Variants in PDE4D observed in about 807,000 individuals in gnomAD.
PDE4D encodes 3',5'-cyclic-AMP phosphodiesterase 4D.
A neutral mutation model predicts 87.4 loss-of-function variants in PDE4D; 24 were observed. The ratio of observed to expected loss-of-function variants is 0.27; its 90% CI spans 0.20 to 0.39. PDE4D has a LOEUF of 0.39. Ranked by LOEUF, PDE4D falls within the 10% of genes least tolerant of loss-of-function variation. The pLI, the probability that PDE4D is intolerant of heterozygous loss-of-function variation, is 1.00. For missense variants in PDE4D, 714 were observed against 1,041.0 expected (o/e 0.69, Z 4.32); for synonymous variants, 384 against 383.2 (o/e 1.00, Z -0.02).
chr5:59,489,011 G>A (rs1230317982), intron 1 of PDE4D, among the ~76,000 whole-genome samples: 1 of 152,008 alleles, frequency 6.6e-6, no homozygotes, highest in African/African-American at 2.4e-5. Flanking sequence ...TGTTGGCCAG[G>A]CGTGACGGCT....
intron 1 of PDE4D, among the ~76,000 whole-genome samples, chr5:59,272,496 A>G (rs1351610308): frequency 6.6e-6 from 1 of 152,100 alleles, no homozygotes; most frequent in Non-Finnish European, 1.5e-5. Flanking sequence ...AGCATAAGAA[A>G]ATATATAAAG....
At chr5:59,697,877 T>C (rs1422904365) in intron 1 of PDE4D, among the ~76,000 whole-genome samples, 1 of 152,200 alleles carries the variant, frequency 6.6e-6, no homozygotes, top group Non-Finnish European at 1.5e-5. Context: ...ATCTAGCCCT[T>C]GGTCCTACTT....
At chr5:60,422,821 A>T (rs997416398) in intron 1 of PDE4D, among the ~76,000 whole-genome samples, 3 of 152,218 alleles carry the variant, frequency 2.0e-5, no homozygotes, top group Admixed American at 1.3e-4. Context: ...AGAGAAACAT[A>T]TAGGTTCAAA....
chr5:60,183,754 T>C (rs752990945), intron 2 of PDE4D, among the ~76,000 whole-genome samples: 9 of 152,182 alleles, frequency 5.9e-5, no homozygotes, highest in Non-Finnish European at 1.2e-4. Context: ...AAAATCTACC[T>C]CTAAGTATAC....
chr5:59,618,898 T>C lies in PDE4D; in HGVS notation c.455+274270A>G, dbSNP rs183761866. On this transcript the variant is annotated intron_variant, in intron 1 of 14. Coordinates refer to ENST00000340635, the MANE Select transcript of PDE4D (RefSeq NM_001104631.2). ...TGCCCTCTCACTTTCCGCCATATGA[T>C]GTCACAACAAGAAAGCCCTCGCAAG... Among the ~76,000 whole-genome samples the C allele has an allele frequency of 1.3e-4, 20 of 152,264 alleles. No individual in the cohort carries two copies. The East Asian group carries it at 3.5e-3, about 27-fold the overall frequency.
At chr5:59,706,549 C>G (rs1278592657) in intron 1 of PDE4D, among the ~76,000 whole-genome samples, 1 of 152,136 alleles carries the variant, frequency 6.6e-6, no homozygotes, top group Non-Finnish European at 1.5e-5. Context: ...CTAGAAATAT[C>G]TCTCTTCTAG....
At chr5:59,413,933 T>C (rs1408501260) in intron 1 of PDE4D, among the ~76,000 whole-genome samples, 1 of 152,124 alleles carries the variant, frequency 6.6e-6, no homozygotes, top group East Asian at 1.9e-4. Context: ...AATATACACA[T>C]ACACACACAC....
chr5:59,512,093 C>T (rs1028837584), intron 1 of PDE4D, among the ~76,000 whole-genome samples: 5 of 152,108 alleles, frequency 3.3e-5, no homozygotes, highest in African/African-American at 1.2e-4. Context: ...CAACTGCTCA[C>T]AGTCATGTAA....
At chr5:59,879,748 G>T (rs948144302) in intron 1 of PDE4D, among the ~76,000 whole-genome samples, 3 of 152,108 alleles carry the variant, frequency 2.0e-5, no homozygotes, top group Admixed American at 6.5e-5. Flanking sequence ...GGGTTTTTTT[G>T]TTGTTTTTTG....
At chr5:59,596,880 T>C (rs1294648137) in intron 1 of PDE4D, among the ~76,000 whole-genome samples, 1 of 152,122 alleles carries the variant, frequency 6.6e-6, no homozygotes, top group African/African-American at 2.4e-5. Flanking sequence ...AAATGTCCTG[T>C]AGACTCAGGG....
intron 2 of PDE4D, chr5:60,160,961 G>T: frequency 3.5e-6 from 1 of 286,208 alleles, no homozygotes; most frequent in Non-Finnish European, 6.9e-6. Context: ...CAGAGACCAG[G>T]TAACATTAGC....
At chr5:59,936,199 C>T (rs536424501) in intron 3 of PDE4D, among the ~76,000 whole-genome samples, 203 of 151,682 alleles carry the variant, frequency 1.3e-3, no homozygotes, top group African/African-American at 4.5e-3. Flanking sequence ...CATTACACAC[C>T]GGGGCCTGTT....
intron 6 of PDE4D, among the ~76,000 whole-genome samples, chr5:59,032,916 T>C (rs575547103): frequency 2.8e-4 from 42 of 152,302 alleles, no homozygotes; most frequent in Middle Eastern, 6.8e-3. Context: ...AAATATTAGA[T>C]AGGAAACAAC....
chr5:59,248,042 TA>T (rs70975306), intron 1 of PDE4D, among the ~76,000 whole-genome samples: 2,637 of 37,480 alleles, frequency 0.07, 29 homozygotes, highest in Non-Finnish European at 0.091. Context: ...TATCTATTAG[TA>T]AAAAAAAAAA....
chr5:59,683,003 C>G lies in PDE4D; in HGVS notation c.455+210165G>C, dbSNP rs1286944591. On this transcript the variant is annotated intron_variant, in intron 1 of 14. Coordinates refer to ENST00000340635, the MANE Select transcript of PDE4D (RefSeq NM_001104631.2). The stretch of plus-strand genomic sequence containing the variant: ...TTGTAATTTCATTGGCTACACAGAA[C>G]ATTATTGGGACAATTATTGAAATTT... 2.0e-5 allele frequency among the ~76,000 whole-genome samples: 3 copies of G among 152,268 alleles called. No individual in the cohort carries two copies. In the East Asian group the frequency reaches 5.8e-4, roughly 29 times the overall value.
intron 1 of PDE4D, among the ~76,000 whole-genome samples, chr5:59,763,053 C>A (rs1004850104): frequency 1.3e-5 from 2 of 150,660 alleles, no homozygotes; most frequent in African/African-American, 4.9e-5. Context: ...GGATCCTCTG[C>A]GAAGGAAGAA....
At position 59,901,626 on chromosome 5, in the gene PDE4D, G is replaced by A. The variant is rs561464140; in HGVS notation, c.272+86862C>T. Among the ~76,000 whole-genome samples the A allele has an allele frequency of 2.6e-5, 4 of 152,040 alleles. No individual in the cohort carries two copies. The East Asian group carries it at 5.8e-4, about 22-fold the overall frequency. On this transcript the variant is annotated intron_variant, in intron 3 of 16. Coordinates refer to the PDE4D transcript ENST00000502484. ...ATAGTCAAAATACATGAAAAGGCAC[G>A]TCACAGAAAAGGAAAACAGAATGGT...
At chr5:59,756,302 A>G (rs1490874612) in intron 1 of PDE4D, among the ~76,000 whole-genome samples, 2 of 152,126 alleles carry the variant, frequency 1.3e-5, no homozygotes, top group African/African-American at 4.8e-5. Context: ...TTAACAAGCT[A>G]GTTATTCAGT....
chr5:59,989,355 G>A (rs1456255217), intron 2 of PDE4D, among the ~76,000 whole-genome samples: 2 of 151,682 alleles, frequency 1.3e-5, no homozygotes, highest in African/African-American at 4.8e-5. Context: ...TGGCCACCAT[G>A]GTATGTATGG....
Sources: gnomAD v4.1 joint callset for allele counts (sites outside exome capture counted in the v4.1 genomes callset) on GRCh38, gnomAD v4.1.1 for gene constraint, MANE v1.5 for transcripts, NCBI Gene and HGNC (gene_info 2026-07-23, HGNC 2026-07-21) for gene names.